Variants in FAM107B observed in about 807,000 individuals in gnomAD.
FAM107B encodes protein FAM107B.
Under a neutral mutation model 31.5 loss-of-function variants are expected in FAM107B, and 21 were observed. The ratio of observed to expected loss-of-function variants is 0.67; its 90% CI spans 0.47 to 0.96. The LOEUF (loss-of-function observed/expected upper bound fraction) is 0.96, where lower values mean the gene tolerates loss of function less well. Among genes scored for constraint, FAM107B ranks in the 40% least tolerant of loss-of-function variants. FAM107B has a pLI of 0.00. For synonymous variants in FAM107B, 157 were observed against 141.5 expected (o/e 1.11, Z -0.78); for missense variants, 452 against 377.1 (o/e 1.20, Z -1.64).
chr10:14,667,457 C>T (rs1263589823), intron 2 of FAM107B, among the ~76,000 whole-genome samples, 177 bp downstream of exon 2: 1 of 152,204 alleles, frequency 6.6e-6, no homozygotes, highest in Non-Finnish European at 1.5e-5. Context: ...TTCTGCATCA[C>T]AACCAGATTG....
At chr10:14,548,861 A>T (rs1848981782) in intron 2 of FAM107B, among the ~76,000 whole-genome samples, 1 of 110,386 alleles carries the variant, frequency 9.1e-6, no homozygotes, top group South Asian at 3.0e-4. Context: ...CTGAATGCTG[A>T]GTCCCCCCAA....
intron 1 of FAM107B, among the ~76,000 whole-genome samples, chr10:14,678,351 A>G (rs546771021): frequency 6.6e-6 from 1 of 152,300 alleles, no homozygotes; most frequent in East Asian, 1.9e-4. Context: ...ATTGAACACT[A>G]AGAAGAGGAT....
intron 2 of FAM107B, among the ~76,000 whole-genome samples, chr10:14,581,023 GTC>G (rs1390719180): frequency 6.6e-6 from 1 of 152,208 alleles, no homozygotes; most frequent in Non-Finnish European, 1.5e-5. Context: ...ACTAAAGCAA[GTC>G]TCTGCTGCTG....
At chr10:14,680,221 C>T (rs1470943165) in intron 1 of FAM107B, among the ~76,000 whole-genome samples, 1 of 152,090 alleles carries the variant, frequency 6.6e-6, no homozygotes, top group Non-Finnish European at 1.5e-5. Flanking sequence ...GCAACAGTCA[C>T]ATCCCATGAG....
At chr10:14,736,211 T>A (rs905825270) in intron 1 of FAM107B, among the ~76,000 whole-genome samples, 6 of 152,122 alleles carry the variant, frequency 3.9e-5, no homozygotes, top group African/African-American at 1.4e-4. Context: ...CTCCAGTTTG[T>A]TCTCTAGTTT....
chr10:14,690,330 G>GCGTCC (rs1354814193), intron 1 of FAM107B, among the ~76,000 whole-genome samples: 10 of 152,184 alleles, frequency 6.6e-5, no homozygotes, highest in African/African-American at 2.4e-4. Flanking sequence ...TCTGTTTCCT[G>GCGTCC]TTTCTGCTTC....
chr10:14,707,148 AC>A (rs747733424), intron 1 of FAM107B, among the ~76,000 whole-genome samples: 33 of 146,066 alleles, frequency 2.3e-4, no homozygotes, highest in East Asian at 3.9e-4. Flanking sequence ...AACAACAACA[AC>A]AAAAAAACAA....
chr10:14,670,908 G>C lies in FAM107B; in HGVS notation c.412-3217C>G, dbSNP rs190988569. On this transcript the variant is annotated intron_variant, in intron 1 of 4. Transcript: ENST00000181796. Reference sequence around the variant, plus strand: ...AATTCTTGTGTCTCTTCTCTTCAGCGCAAGTCTGCAATTTGCTGAATGCGT... The same window carrying C: ...AATTCTTGTGTCTCTTCTCTTCAGCCCAAGTCTGCAATTTGCTGAATGCGT... 1.1e-4 allele frequency among the ~76,000 whole-genome samples: 16 copies of C among 152,320 alleles called. No individual in the cohort carries two copies. In the East Asian group the frequency reaches 3.1e-3, roughly 29 times the overall value.
At chr10:14,667,985 A>G (rs1392281362) in intron 1 of FAM107B, among the ~76,000 whole-genome samples, 1 of 152,050 alleles carries the variant, frequency 6.6e-6, no homozygotes, top group Non-Finnish European at 1.5e-5. Context: ...CCCTGTGACT[A>G]ATATATTTGA....
chr10:14,717,678 G>A (rs1379651649), intron 1 of FAM107B, among the ~76,000 whole-genome samples: 1 of 152,154 alleles, frequency 6.6e-6, no homozygotes, highest in African/African-American at 2.4e-5. Context: ...GTTGGATGGT[G>A]TCCACAGATA....
intron 2 of FAM107B, among the ~76,000 whole-genome samples, chr10:14,650,353 T>C (rs1853867187): frequency 6.6e-6 from 1 of 151,698 alleles, no homozygotes; most frequent in Non-Finnish European, 1.5e-5. Flanking sequence ...AGTGCAGGAG[T>C]GCAGTGGCAT....
At position 14,629,173 on chromosome 10, in the gene FAM107B, G is replaced by A. The variant is rs536206630; in HGVS notation, c.469+38461C>T. 2.1e-3 allele frequency among the ~76,000 whole-genome samples: 278 copies of A among 131,070 alleles called. 1 individual carries two copies. The highest frequency in any genetic ancestry group is 0.02 in the South Asian group (86 of 4,216). The allele number at this position is 131,070 out of a possible 152,430, so 86.0% of individuals were successfully genotyped here. On this transcript the variant is annotated intron_variant, in intron 2 of 4. Coordinates refer to ENST00000181796, the MANE Select transcript of FAM107B (RefSeq NM_031453.4). ...CTAAGTGGAACCAAATATTAACCAC[G>A]GACATAAAAAGTATATATATACTAT...
In FAM107B at chr10:14,521,173, C is replaced by T. The variant is rs771342568; in HGVS notation, c.*17G>A. The stretch of plus-strand genomic sequence containing the variant: ...AGCTCTGTGGGGTGACACACGAGGT[C>T]TTGGTGCAGCCTCAGCCTAGGACTC... On this transcript the variant is annotated 3_prime_UTR_variant, in exon 5 of 5. Coordinates refer to ENST00000181796, the MANE Select transcript of FAM107B (RefSeq NM_031453.4). The T allele has an allele frequency of 5.6e-6, 9 of 1,605,180 alleles. No individual in the cohort carries two copies. The Admixed American group carries it at 1.5e-4, about 27-fold the overall frequency.
chr10:14,637,501 GCTAA>G (rs944573302), intron 2 of FAM107B, among the ~76,000 whole-genome samples: 1 of 152,100 alleles, frequency 6.6e-6, no homozygotes, highest in African/African-American at 2.4e-5. Flanking sequence ...AGGTGTGGTG[GCTAA>G]CTTTTTATGG....
intron 2 of FAM107B, among the ~76,000 whole-genome samples, chr10:14,637,686 T>A (rs1476379164): frequency 6.6e-6 from 1 of 152,096 alleles, no homozygotes; most frequent in Non-Finnish European, 1.5e-5. Flanking sequence ...ATGGACATGA[T>A]TCCAAGATGA....
chr10:14,713,274 C>T (rs1370306768), intron 1 of FAM107B, among the ~76,000 whole-genome samples: 5 of 152,182 alleles, frequency 3.3e-5, no homozygotes, highest in East Asian at 1.9e-4. Flanking sequence ...TTATCGAGAA[C>T]GTTCATATCA....
In FAM107B at chr10:14,708,587, G is replaced by A. The variant is rs548144572; in HGVS notation, c.412-40896C>T. Among the ~76,000 whole-genome samples, 71 of 152,174 alleles carry A rather than the reference G, an allele frequency of 4.7e-4. No homozygotes were observed. The South Asian group carries it at 0.014, about 29-fold the overall frequency. ...CATATTTACTCTTTAATTTGAGCAT[G>A]GGATCTTAACCCAGTGGTATGTCTA... On this transcript the variant is annotated intron_variant, in intron 1 of 4. Transcript: ENST00000181796.
At chr10:14,541,559 C>CG (rs1269344063) in intron 2 of FAM107B, among the ~76,000 whole-genome samples, 3 of 152,164 alleles carry the variant, frequency 2.0e-5, no homozygotes, top group Non-Finnish European at 2.9e-5. Context: ...CGAGTCTTCC[C>CG]GGGGCCTCTC....
rs529997594 is a variant in FAM107B, at chr10:14,522,206, G to A, written c.654-187C>T. On this transcript the variant is annotated intron_variant, in intron 3 of 4. Coordinates refer to ENST00000181796, the MANE Select transcript of FAM107B (RefSeq NM_031453.4). ...CCAGCACGAAAGAAAGGCAAGAGGA[G>A]ATCTCCAAAGAGTACATAAAATCCA... is the stretch of plus-strand genomic sequence containing the variant. The A allele has an allele frequency of 1.7e-5, 12 of 700,482 alleles. No homozygotes were observed. In the African/African-American group the frequency reaches 2.2e-4, roughly 13 times the overall value. 43.4% of individuals were successfully genotyped at this position (700,482 alleles called of 1,614,324 possible).
Sources: gnomAD v4.1 joint callset for allele counts (sites outside exome capture counted in the v4.1 genomes callset) on GRCh38, gnomAD v4.1.1 for gene constraint, MANE v1.5 for transcripts, NCBI Gene and HGNC (gene_info 2026-07-23, HGNC 2026-07-21) for gene names.